The following RAB3IP variants were observed in gnomAD, a reference collection of about 807,000 sequenced individuals.
The protein encoded by RAB3IP is RAB3A interacting protein, also known as rab-3A-interacting protein.
In RAB3IP, 36 loss-of-function variants were observed where a neutral mutation model predicts 59.1. That is an observed-to-expected ratio of 0.61 (90% CI 0.47 to 0.80). The LOEUF is 0.80. RAB3IP is among the 30% of genes least tolerant of loss of function. The probability of loss-of-function intolerance (pLI) is 0.00; values close to 1 mark genes in which losing one functional copy is unlikely to be tolerated. For missense variants in RAB3IP, 511 were observed against 536.0 expected (o/e 0.95, Z 0.46); for synonymous variants, 207 against 191.2 (o/e 1.08, Z -0.68).
At position 69,755,668 on chromosome 12, in the gene RAB3IP, T is replaced by C; in HGVS notation, c.251+9T>C. 6.3e-7 allele frequency: 1 copy of C among 1,594,672 alleles called. No homozygotes were observed. Among genetic ancestry groups the C allele is most frequent in the South Asian group, 1.1e-5 (1 of 88,978 alleles). ...GAAATATCTAGTATCAGGTAGGAAA[T>C]AAGTAAATCACTTATTTGATTTTTT... On this transcript the variant is annotated intron_variant, in intron 2 of 10. Coordinates refer to ENST00000247833, the MANE Select transcript of RAB3IP (RefSeq NM_022456.5).
intron 2 of RAB3IP, 42 bp downstream of exon 2, chr12:69,755,701 G>T: frequency 6.6e-7 from 1 of 1,514,746 alleles, no homozygotes; most frequent in Non-Finnish European, 9.0e-7. Context: ...TTTTTAAAAT[G>T]GACAGTTTGC....
intron 6 of RAB3IP, among the ~76,000 whole-genome samples, chr12:69,799,570 T>C (rs1389200890): frequency 6.6e-6 from 1 of 152,186 alleles, no homozygotes; most frequent in Non-Finnish European, 1.5e-5. Flanking sequence ...CAAAAATATC[T>C]AAATAAATGT....
chr12:69,772,135 C>A (rs959078043), intron 3 of RAB3IP, among the ~76,000 whole-genome samples: 1 of 151,922 alleles, frequency 6.6e-6, no homozygotes, highest in Non-Finnish European at 1.5e-5. Context: ...ATTATTATAT[C>A]CTCTTTATTG....
intron 1 of RAB3IP, among the ~76,000 whole-genome samples, chr12:69,742,566 G>A (rs1385875660): frequency 4.6e-5 from 7 of 152,128 alleles, no homozygotes; most frequent in Non-Finnish European, 7.3e-5. Flanking sequence ...CAAGTGCTTC[G>A]AGAGTAGGGC....
chr12:69,761,583 A>G (rs1303388467), intron 3 of RAB3IP, among the ~76,000 whole-genome samples: 1 of 152,210 alleles, frequency 6.6e-6, no homozygotes, highest in Non-Finnish European at 1.5e-5. Flanking sequence ...AAAAACCTGC[A>G]TTTATACACA....
At chr12:69,742,144 T>C (rs1015360491) in intron 1 of RAB3IP, among the ~76,000 whole-genome samples, 71 of 152,294 alleles carry the variant, frequency 4.7e-4, no homozygotes, top group African/African-American at 1.7e-3. Context: ...AGTTGAGTAG[T>C]GGAGAGGAAG....
Position 69,815,451 on chromosome 12 carries a change from C to T in RAB3IP, c.*5C>T. On this transcript the variant is annotated 3_prime_UTR_variant, in exon 11 of 11. Coordinates refer to ENST00000247833, the MANE Select transcript of RAB3IP (RefSeq NM_022456.5). Reference sequence around the variant, plus strand: ...TATTTCAAAGAGGAACTCTGATGCTCTGCGTGGGACCATGCCTGAACTCCC... The same window carrying T: ...TATTTCAAAGAGGAACTCTGATGCTTTGCGTGGGACCATGCCTGAACTCCC... The T allele has an allele frequency of 8.8e-6, 14 of 1,596,370 alleles. No individual in the cohort carries two copies. Among genetic ancestry groups the T allele is most frequent in the East Asian group, 2.2e-5 (1 of 44,784 alleles).
chr12:69,771,193 T>C (rs1873052310), intron 3 of RAB3IP, among the ~76,000 whole-genome samples: 1 of 152,242 alleles, frequency 6.6e-6, no homozygotes, highest in Non-Finnish European at 1.5e-5. Context: ...GATTTCATTC[T>C]TGTTTATGGC....
Position 69,738,949 on chromosome 12 carries a change from C to G in RAB3IP, c.-108C>G, listed in dbSNP as rs946594751. On this transcript the variant is annotated 5_prime_UTR_variant, in exon 1 of 11. Transcript: ENST00000247833. Reference sequence around the variant, plus strand: ...GCGGAAAGGGCTCGCCGTCCTCCTCCGTTTCTCGCTGCTTCGGGACGCGCT... The same window carrying G: ...GCGGAAAGGGCTCGCCGTCCTCCTCGGTTTCTCGCTGCTTCGGGACGCGCT... The G allele has an allele frequency of 6.6e-6, 1 of 152,248 alleles. No homozygotes were observed. The highest frequency in any genetic ancestry group is 2.4e-5 in the African/African-American group (1 of 41,556). The allele number at this position is 152,248 out of a possible 1,614,324, so 9.4% of individuals were successfully genotyped here.
intron 3 of RAB3IP, among the ~76,000 whole-genome samples, chr12:69,764,765 T>TAG (rs1871924988): frequency 6.6e-6 from 1 of 152,218 alleles, no homozygotes; most frequent in Non-Finnish European, 1.5e-5. Flanking sequence ...TGTTGATTCT[T>TAG]CCAGTCCATG....
intron 1 of RAB3IP, among the ~76,000 whole-genome samples, chr12:69,744,351 C>G (rs1351256534): frequency 6.6e-6 from 1 of 151,982 alleles, no homozygotes; most frequent in African/African-American, 2.4e-5. Flanking sequence ...CTCATAAGTT[C>G]AGAACATTTT....
At chr12:69,752,667 G>A (rs750480952) in intron 1 of RAB3IP, among the ~76,000 whole-genome samples, 8 of 152,126 alleles carry the variant, frequency 5.3e-5, no homozygotes, top group Non-Finnish European at 8.8e-5. Context: ...AAATGCAAAT[G>A]CTTTTACGTT....
intron 4 of RAB3IP, among the ~76,000 whole-genome samples, chr12:69,792,783 A>G (rs1876844249): frequency 6.6e-6 from 1 of 152,120 alleles, no homozygotes; most frequent in Non-Finnish European, 1.5e-5. Flanking sequence ...AAAATTTCAC[A>G]TTACTCTAAG....
intron 1 of RAB3IP, among the ~76,000 whole-genome samples, chr12:69,743,403 GATAA>G (rs1887535055): frequency 6.6e-6 from 1 of 152,248 alleles, no homozygotes; most frequent in African/African-American, 2.4e-5. Context: ...TTTTACCTAA[GATAA>G]ATAAAGATAC....
At chr12:69,810,681 T>G (rs1049700106) in intron 8 of RAB3IP, among the ~76,000 whole-genome samples, 2 of 148,418 alleles carry the variant, frequency 1.3e-5, no homozygotes, top group African/African-American at 2.5e-5. Flanking sequence ...AAAGAAAAGT[T>G]AGATTGGGGT....
chr12:69,814,975 G>A (rs1012751930), intron 10 of RAB3IP, among the ~76,000 whole-genome samples: 6 of 152,142 alleles, frequency 3.9e-5, no homozygotes, highest in African/African-American at 1.4e-4. Flanking sequence ...TTAATGAAGA[G>A]TAAAATGGCC....
chr12:69,754,002 G>C (rs1488002336), intron 1 of RAB3IP, among the ~76,000 whole-genome samples: 2 of 152,054 alleles, frequency 1.3e-5, no homozygotes, highest in African/African-American at 4.8e-5. Flanking sequence ...AGTTTATTGA[G>C]GCCATACTCT....
intron 8 of RAB3IP, among the ~76,000 whole-genome samples, chr12:69,806,566 T>C (rs953756488): frequency 2.2e-5 from 3 of 134,988 alleles, no homozygotes; most frequent in African/African-American, 8.3e-5. Flanking sequence ...CTCTTGCTTC[T>C]CTAGTTTTTT....
intron 1 of RAB3IP, among the ~76,000 whole-genome samples, chr12:69,747,604 C>G (rs1188536310): frequency 6.6e-6 from 1 of 152,216 alleles, no homozygotes; most frequent in African/African-American, 2.4e-5. Context: ...CCTGACCTGT[C>G]ATCTCCATTT....
Sources: gnomAD v4.1 joint callset for allele counts (sites outside exome capture counted in the v4.1 genomes callset) on GRCh38, gnomAD v4.1.1 for gene constraint, MANE v1.5 for transcripts, NCBI Gene and HGNC (gene_info 2026-07-23, HGNC 2026-07-21) for gene names.